The following LIG1 variants were observed in gnomAD, a reference collection of about 807,000 sequenced individuals.
LIG1 encodes the protein DNA ligase 1, also known as ligase I, DNA, ATP-dependent.
LIG1 carries 70 observed loss-of-function variants against 115.7 expected under a neutral mutation model. The observed-to-expected ratio is 0.60, with a 90% CI of 0.50 to 0.74. The LOEUF (loss-of-function observed/expected upper bound fraction) is 0.74, where lower values mean the gene tolerates loss of function less well. Among genes scored for constraint, LIG1 ranks in the 30% least tolerant of loss-of-function variants. LIG1 has a pLI of 0.00. For synonymous variants in LIG1, 487 were observed against 495.3 expected, an observed-to-expected ratio of 0.98 and a Z score of 0.22; for missense variants, 1,115 against 1,225.6, an observed-to-expected ratio of 0.91 and a Z score of 1.35.
chr19:48,122,299 C>T lies in LIG1; in HGVS notation c.2232+635G>A, dbSNP rs985290112. The T allele has an allele frequency of 9.5e-5, 15 of 158,048 alleles. No individual in the cohort carries two copies. Among genetic ancestry groups the T allele is most frequent in the African/African-American group, 1.9e-4 (8 of 41,502 alleles). 9.8% of individuals were successfully genotyped at this position (158,048 alleles called of 1,614,324 possible). On this transcript the variant is annotated intron_variant, in intron 23 of 27. Transcript: ENST00000263274. This position sits in a 1 kb window ranked among gnomAD's most constrained non-coding sequence, Gnocchi z 4.3. ...CAATGACAACCTGTGACTCCCGGCA[C>T]GGAACCCCCACTGACTTCCTGAAAC... is the stretch of plus-strand genomic sequence containing the variant.
intron 1 of LIG1, among the ~76,000 whole-genome samples, chr19:48,168,028 C>T (rs1286556163): frequency 2.0e-5 from 3 of 152,036 alleles, no homozygotes; most frequent in African/African-American, 7.2e-5. Flanking sequence ...TGCTCAACTG[C>T]CTAGGTACTT....
Position 48,135,704 on chromosome 19 carries a change from C to T in LIG1, c.1499G>A (p.Gly500Asp). ...EARKTWLEEQ[G>D]MILKQTFCEV... The stretch of plus-strand genomic sequence containing the variant: ...CCAGAACGTCTGCTTCAGGATCATG[C>T]CTTGCTCCTCCAGCCACGTCTTTCT... Residue 500 changes from glycine (G) to aspartate (D), a missense_variant, in exon 16 of 28, where the codon GGC (glycine) becomes GAC (aspartate). Coordinates refer to ENST00000263274, the MANE Select transcript of LIG1 (RefSeq NM_000234.3). 6.2e-7 allele frequency: 1 copy of T among 1,614,066 alleles called. No homozygotes were observed. Among genetic ancestry groups the T allele is most frequent in the Non-Finnish European group, 8.5e-7 (1 of 1,179,940 alleles).
rs145183338 is a variant in LIG1, at chr19:48,151,260, G to C, written c.546C>G (p.Thr182=). The C allele has an allele frequency of 1.2e-6, 2 of 1,613,466 alleles. No individual in the cohort carries two copies. The highest frequency in any genetic ancestry group is 2.7e-5 in the African/African-American group (2 of 74,858). ...AGGTCTTTAGGGGCTTGGGAGGCGT[G>C]GTGGGCTGGTCCCCGTCTTCTCCTT... is the stretch of plus-strand genomic sequence containing the variant. ...EKEGEDGDQP[T]TPPKPLKTSK... is the part of the protein sequence containing the mutation. Residue 182 remains threonine, a synonymous_variant, in exon 7 of 28, where the codon ACC becomes ACG. Transcript: ENST00000263274.
At chr19:48,124,293 A>T (rs564717254) in intron 21 of LIG1, among the ~76,000 whole-genome samples, 33 of 152,338 alleles carry the variant, frequency 2.2e-4, no homozygotes, top group African/African-American at 7.9e-4. Flanking sequence ...ACAAGGGTTA[A>T]GCAGGTACAA....
In LIG1 at chr19:48,142,442, C is replaced by CAAAAAAAAAAAAAAAAAAAAAAAAAA. The variant is rs561137392; in HGVS notation, c.914+1100_914+1101insTTTTTTTTTTTTTTTTTTTTTTTTTT. Among the ~76,000 whole-genome samples, 37 of 75,564 alleles carry CAAAAAAAAAAAAAAAAAAAAAAAAAA rather than the reference C, an allele frequency of 4.9e-4. 2 individuals carry two copies. The highest frequency in any genetic ancestry group is 9.4e-3 in the Middle Eastern group (1 of 106). The allele number at this position is 75,564 out of a possible 152,430, so 49.6% of individuals were successfully genotyped here. The stretch of plus-strand genomic sequence containing the variant: ...TGGGCAACAGAGCAAGACTCCATCT[C>CAAAAAAAAAAAAAAAAAAAAAAAAAA]AAAAAAAAAAAAAAACAGAGTGCTG... On this transcript the variant is annotated intron_variant, in intron 11 of 27. Coordinates refer to ENST00000263274, the MANE Select transcript of LIG1 (RefSeq NM_000234.3).
chr19:48,121,657 C>T (rs773639812), intron 23 of LIG1, among the ~76,000 whole-genome samples: 31 of 152,034 alleles, frequency 2.0e-4, no homozygotes, highest in Admixed American at 5.2e-4. Context: ...CAAAATTAGC[C>T]GGGCGTGGTG....
chr19:48,125,925 T>A (rs893551955), intron 21 of LIG1, among the ~76,000 whole-genome samples: 4 of 148,388 alleles, frequency 2.7e-5, no homozygotes, highest in Non-Finnish European at 5.9e-5. Flanking sequence ...GAGGCGGAGG[T>A]TGCAGTGAGC....
chr19:48,136,535 C>T (rs1359526379), intron 14 of LIG1, among the ~76,000 whole-genome samples: 1 of 152,166 alleles, frequency 6.6e-6, no homozygotes, highest in Non-Finnish European at 1.5e-5. Flanking sequence ...TTTGCCTCCC[C>T]ATGTCTCCAT....
At chr19:48,161,290 T>G (rs891463595) in intron 4 of LIG1, 82 bp downstream of exon 4, 2 of 1,587,070 alleles carry the variant, frequency 1.3e-6, no homozygotes, top group Non-Finnish European at 8.7e-7. Flanking sequence ...AGAATTCTCC[T>G]GAACAGCTGC....
chr19:48,148,502 A>C (rs2035268187), intron 9 of LIG1, among the ~76,000 whole-genome samples: 1 of 150,018 alleles, frequency 6.7e-6, no homozygotes, highest in African/African-American at 2.5e-5. Flanking sequence ...GCAGGGAGGA[A>C]TGACAGCACG....
chr19:48,163,925 A>G (rs560740122), intron 2 of LIG1, among the ~76,000 whole-genome samples: 8 of 145,702 alleles, frequency 5.5e-5, no homozygotes, highest in Non-Finnish European at 1.0e-4. Context: ...AGCCTGGGCG[A>G]CAGAGCAAGA....
At chr19:48,123,557 G>A (rs1020935689) in intron 21 of LIG1, 3 of 577,106 alleles carry the variant, frequency 5.2e-6, no homozygotes, top group Non-Finnish European at 9.3e-6. Context: ...GCATCAGACG[G>A]GGGGCTGCGG....
At chr19:48,121,061 C>T (rs939068182) in intron 24 of LIG1, 109 bp downstream of exon 24, 2 of 1,594,038 alleles carry the variant, frequency 1.3e-6, no homozygotes, top group African/African-American at 1.3e-5. Flanking sequence ...ACGGATCCTT[C>T]ACAGGGGGAT....
chr19:48,135,811 G>A, intron 15 of LIG1, 32 bp from the exon 16 acceptor site: 1 of 1,573,002 alleles, frequency 6.4e-7, no homozygotes, highest in Non-Finnish European at 8.8e-7. Flanking sequence ...GCTTTGGAAG[G>A]CACCCACATC....
intron 19 of LIG1, among the ~76,000 whole-genome samples, chr19:48,128,559 G>A (rs967104586): frequency 2.0e-5 from 3 of 152,236 alleles, no homozygotes; most frequent in African/African-American, 7.2e-5. Flanking sequence ...CAGCACGTGA[G>A]CCTCTCTGTT....
Position 48,140,155 on chromosome 19 carries a change from G to C in LIG1, c.915-12C>G, listed in dbSNP as rs768195797. 48 of 1,610,180 alleles carry C rather than the reference G, an allele frequency of 3.0e-5. No individual in the cohort carries two copies. The highest frequency in any genetic ancestry group is 1.5e-4 in the Admixed American group (9 of 59,926). On this transcript the variant is annotated splice_polypyrimidine_tract_variant and intron_variant, in intron 11 of 27. Coordinates refer to ENST00000263274, the MANE Select transcript of LIG1 (RefSeq NM_000234.3). ...CCACCATCCGGAGCCTGGAGGAGGG[G>C]ACGGGGGTATGAACACGTGGTTCCT...
In LIG1 at chr19:48,151,114, C is replaced by T. The variant is rs56124606; in HGVS notation, c.574+118G>A. On this transcript the variant is annotated intron_variant, in intron 7 of 27. Coordinates refer to ENST00000263274, the MANE Select transcript of LIG1 (RefSeq NM_000234.3). ...ATAAAAACTATTATTCTTCTAGATTCGGCATTTAAGCAATAAGTTTGAGAA... is the reference window on the plus strand; with the variant it reads ...ATAAAAACTATTATTCTTCTAGATTTGGCATTTAAGCAATAAGTTTGAGAA... 6.2e-3 allele frequency: 4,100 copies of T among 658,086 alleles called. 130 individuals are homozygous for T. The African/African-American group carries it at 0.064, about 10-fold the overall frequency. The allele number at this position is 658,086 out of a possible 1,614,324, so 40.8% of individuals were successfully genotyped here.
intron 5 of LIG1, among the ~76,000 whole-genome samples, chr19:48,156,288 T>G (rs1281900906): frequency 2.8e-5 from 4 of 141,738 alleles, no homozygotes; most frequent in Non-Finnish European, 4.8e-5. Context: ...TTGGTTAGCC[T>G]CTCTTCTGGA....
intron 24 of LIG1, among the ~76,000 whole-genome samples, chr19:48,119,966 C>T (rs1217962072): frequency 1.3e-5 from 2 of 152,244 alleles, no homozygotes; most frequent in Non-Finnish European, 2.9e-5. Flanking sequence ...CCAATATAAA[C>T]GTCACCTGGA....
Sources: gnomAD v4.1 joint callset for allele counts (sites outside exome capture counted in the v4.1 genomes callset) on GRCh38, gnomAD v4.1.1 for gene constraint, Gnocchi (gnomAD v3.1) non-coding constraint, MANE v1.5 for transcripts, NCBI Gene and HGNC (gene_info 2026-07-23, HGNC 2026-07-21) for gene names.